Variants in PCDHGA10 observed in about 807,000 individuals in gnomAD.
The protein encoded by PCDHGA10 is protocadherin gamma-A10.
A neutral mutation model predicts 59.5 loss-of-function variants in PCDHGA10; 42 were observed. The ratio of observed to expected loss-of-function variants is 0.71; its 90% CI spans 0.55 to 0.91. The LOEUF (loss-of-function observed/expected upper bound fraction) is 0.91. Ranked by LOEUF, PCDHGA10 falls within the 40% of genes least tolerant of loss-of-function variation. The pLI is 0.00. For missense variants in PCDHGA10, 1,111 were observed against 1,198.2 expected, an observed-to-expected ratio of 0.93 and a Z score of 1.07; for synonymous variants, 511 against 517.2, an observed-to-expected ratio of 0.99 and a Z score of 0.16.
rs577770679 is a variant in PCDHGA10, at chr5:141,458,782, G to A, written c.2437-36025G>A. Reference sequence around the variant, plus strand: ...GGGTCTTGCTGTGTCACACAGGCTGGAGTGCAGTGGTGTGATCTCAGCTCA... The same window carrying A: ...GGGTCTTGCTGTGTCACACAGGCTGAAGTGCAGTGGTGTGATCTCAGCTCA... On this transcript the variant is annotated intron_variant, in intron 1 of 3. Coordinates refer to ENST00000398610, the MANE Select transcript of PCDHGA10 (RefSeq NM_018913.3). 3.3e-5 allele frequency among the ~76,000 whole-genome samples: 5 copies of A among 152,020 alleles called. No homozygotes were observed. In the East Asian group the frequency reaches 9.7e-4, roughly 30 times the overall value.
chr5:141,418,649 G>A (rs760169796), intron 1 of PCDHGA10: 3 of 1,613,926 alleles, frequency 1.9e-6, no homozygotes, highest in Non-Finnish European at 2.5e-6. Flanking sequence ...CATCCTGAGA[G>A]TGAAGGCCAC....
chr5:141,492,224 T>C (rs2099738444), intron 1 of PCDHGA10, among the ~76,000 whole-genome samples: 1 of 152,134 alleles, frequency 6.6e-6, no homozygotes, highest in South Asian at 2.1e-4. Flanking sequence ...CTCATGCGTG[T>C]CCTCCCTGCT....
At position 141,489,083 on chromosome 5, in the gene PCDHGA10, T is replaced by G; in HGVS notation, c.2437-5724T>G. On this transcript the variant is annotated intron_variant, in intron 1 of 3. Coordinates refer to ENST00000398610, the MANE Select transcript of PCDHGA10 (RefSeq NM_018913.3). This position sits in a 1 kb window ranked among gnomAD's most constrained non-coding sequence, Gnocchi z 4.5. ...CCTCCCCCCTGCCCACCCCCGCCACTCGGTGACTAAGAACTGCTGCAAGCA... is the reference window on the plus strand; with the variant it reads ...CCTCCCCCCTGCCCACCCCCGCCACGCGGTGACTAAGAACTGCTGCAAGCA... The G allele has an allele frequency of 1.2e-5, 2 of 172,008 alleles. No individual in the cohort carries two copies. Among genetic ancestry groups the G allele is most frequent in the Non-Finnish European group, 2.1e-5 (2 of 94,012 alleles). The allele number at this position is 172,008 out of a possible 1,614,324, so 10.7% of individuals were successfully genotyped here. A position where few individuals can be genotyped will look rare whatever the true frequency, so the allele number is the denominator to read the frequency against.
chr5:141,466,769 T>C (rs760924688), intron 1 of PCDHGA10, among the ~76,000 whole-genome samples: 1 of 152,198 alleles, frequency 6.6e-6, no homozygotes, highest in African/African-American at 2.4e-5. Flanking sequence ...CAAACTGTTA[T>C]CTTATTCTTC....
At chr5:141,501,127 T>C (rs2099805755) in intron 2 of PCDHGA10, among the ~76,000 whole-genome samples, 5 of 152,024 alleles carry the variant, frequency 3.3e-5, no homozygotes, top group Non-Finnish European at 7.4e-5. Context: ...TCAGCCTCCC[T>C]AAGTGCTGGG....
At chr5:141,433,204 C>A in intron 1 of PCDHGA10, 1 of 1,566,946 alleles carries the variant, frequency 6.4e-7, no homozygotes, top group Non-Finnish European at 8.6e-7. Flanking sequence ...ATCAAATCTT[C>A]TTTCTTTTTT....
At chr5:141,457,929 C>T (rs1207409757) in intron 1 of PCDHGA10, among the ~76,000 whole-genome samples, 2 of 152,194 alleles carry the variant, frequency 1.3e-5, no homozygotes, top group Non-Finnish European at 2.9e-5. Context: ...CCCCAAGGGG[C>T]TTTTATTGGC....
In PCDHGA10 at chr5:141,490,670, C is replaced by A. The variant is rs1003577285; in HGVS notation, c.2437-4137C>A. ...CCGGGCTCCCTTCTTTGCACTGTGG[C>A]TGCCTCAGATCCAGACACTGGGGAT... On this transcript the variant is annotated intron_variant, in intron 1 of 3. Coordinates refer to ENST00000398610, the MANE Select transcript of PCDHGA10 (RefSeq NM_018913.3). This position sits in a 1 kb window ranked among gnomAD's most constrained non-coding sequence, Gnocchi z 5.4. 4 of 1,614,194 alleles carry A rather than the reference C, an allele frequency of 2.5e-6. No homozygotes were observed. The highest frequency in any genetic ancestry group is 3.4e-6 in the Non-Finnish European group (4 of 1,179,986).
At chr5:141,430,140 A>C (rs1295602149) in intron 1 of PCDHGA10, among the ~76,000 whole-genome samples, 1 of 152,202 alleles carries the variant, frequency 6.6e-6, no homozygotes, top group Non-Finnish European at 1.5e-5. Context: ...CCTTCCATTC[A>C]GGATCATTCA....
At chr5:141,458,103 T>TA (rs1401283935) in intron 1 of PCDHGA10, among the ~76,000 whole-genome samples, 2 of 152,212 alleles carry the variant, frequency 1.3e-5, no homozygotes, top group Non-Finnish European at 2.9e-5. Context: ...TACTTACAGA[T>TA]AGTCTCCAAA....
At position 141,477,222 on chromosome 5, in the gene PCDHGA10, C is replaced by T; in HGVS notation, c.2437-17585C>T. Reference sequence around the variant, plus strand: ...GTACCCGAGGATGCCCCTCTGGGGACTGTCATCGCTTTGCTCAGTGTGACT... The same window carrying T: ...GTACCCGAGGATGCCCCTCTGGGGATTGTCATCGCTTTGCTCAGTGTGACT... On this transcript the variant is annotated intron_variant, in intron 1 of 3. Transcript: ENST00000398610. This position sits in a 1 kb window ranked among gnomAD's most constrained non-coding sequence, Gnocchi z 4.9. 2 of 1,614,218 alleles carry T rather than the reference C, an allele frequency of 1.2e-6. No homozygotes were observed. Among genetic ancestry groups the T allele is most frequent in the South Asian group, 1.1e-5 (1 of 91,086 alleles).
At chr5:141,506,240 G>A (rs918820495) in intron 3 of PCDHGA10, among the ~76,000 whole-genome samples, 8 of 152,184 alleles carry the variant, frequency 5.3e-5, no homozygotes, top group Middle Eastern at 3.4e-3. Flanking sequence ...CATGAGGTCA[G>A]GAGTTCGAAA....
In PCDHGA10 at chr5:141,414,945, C is replaced by G; in HGVS notation, c.1770C>G (p.Tyr590Ter). 1.2e-6 allele frequency: 2 copies of G among 1,614,098 alleles called. No individual in the cohort carries two copies. Among genetic ancestry groups the G allele is most frequent in the Non-Finnish European group, 8.5e-7 (1 of 1,180,050 alleles). Residue 590 changes from tyrosine (Y) to a stop codon, truncating the protein, a stop_gained, in exon 1 of 4, where the codon TAC becomes TAG. Coordinates refer to ENST00000398610, the MANE Select transcript of PCDHGA10 (RefSeq NM_018913.3). LOFTEE classifies it high-confidence loss of function. Reference sequence around the variant, plus strand: ...CGCCCCGCTCCGCAGAGCCCGGCTACCTGGTGACCAAGGTGGTGGCGGTGG... The same window carrying G: ...CGCCCCGCTCCGCAGAGCCCGGCTAGCTGGTGACCAAGGTGGTGGCGGTGG... ...ELAPRSAEPG[Y>*]LVTKVVAVDR...
At position 141,412,987 on chromosome 5, in the gene PCDHGA10, A is replaced by G. The variant is rs192699644; in HGVS notation, c.-189A>G. The G allele has an allele frequency of 3.7e-3, 2,104 of 564,638 alleles. 8 individuals carry two copies. Among genetic ancestry groups the G allele is most frequent in the Admixed American group, 0.011 (308 of 27,526 alleles). 35.0% of individuals were successfully genotyped at this position (564,638 alleles called of 1,614,324 possible). ...AGGAGAGAAAACGCAGCCAGAGCTCAATCCGGATTCTCAGGGCTTCAACTA... is the reference window on the plus strand; with the variant it reads ...AGGAGAGAAAACGCAGCCAGAGCTCGATCCGGATTCTCAGGGCTTCAACTA... On this transcript the variant is annotated 5_prime_UTR_variant, in exon 1 of 4. Transcript: ENST00000398610.
intron 1 of PCDHGA10, among the ~76,000 whole-genome samples, chr5:141,469,206 A>T (rs752389937): frequency 6.6e-6 from 1 of 150,920 alleles, no homozygotes; most frequent in African/African-American, 2.4e-5. Flanking sequence ...AGCCTTTTGA[A>T]GTTGAGGCTT....
chr5:141,458,553 T>G (rs987591790), intron 1 of PCDHGA10, among the ~76,000 whole-genome samples: 24 of 146,852 alleles, frequency 1.6e-4, no homozygotes, highest in Non-Finnish European at 2.5e-4. Flanking sequence ...TGTTTGTTTG[T>G]TTTGGTTTTG....
chr5:141,487,818 G>T lies in PCDHGA10; in HGVS notation c.2437-6989G>T, dbSNP rs1009237001. The T allele has an allele frequency of 1.2e-5, 16 of 1,331,602 alleles. No homozygotes were observed. Among genetic ancestry groups the T allele is most frequent in the Non-Finnish European group, 1.4e-5 (14 of 970,528 alleles). The allele number at this position is 1,331,602 out of a possible 1,614,324, so 82.5% of individuals were successfully genotyped here. On this transcript the variant is annotated intron_variant, in intron 1 of 3. Transcript: ENST00000398610. This position sits in a 1 kb window ranked among gnomAD's most constrained non-coding sequence, Gnocchi z 5.0. Reference sequence around the variant, plus strand: ...GAGTTGTCACAGTTTAGCATTGGGGGCGGGTCATGCCTATATCTGAGTAAG... The same window carrying T: ...GAGTTGTCACAGTTTAGCATTGGGGTCGGGTCATGCCTATATCTGAGTAAG...
Position 141,509,375 on chromosome 5 carries a change from T to C in PCDHGA10, c.2585-1572T>C, listed in dbSNP as rs1450730489. Among the ~76,000 whole-genome samples, 6 of 152,168 alleles carry C rather than the reference T, an allele frequency of 3.9e-5. No homozygotes were observed. In the East Asian group the frequency reaches 1.2e-3, roughly 29 times the overall value. On this transcript the variant is annotated intron_variant, in intron 3 of 3. Coordinates refer to ENST00000398610, the MANE Select transcript of PCDHGA10 (RefSeq NM_018913.3). ...GGGCATCCCTGAGGTTTTAACTGTC[T>C]CCTAACCACAGAGGATCTCAGGGCC...
chr5:141,440,883 T>C (rs1435173649), intron 1 of PCDHGA10: 4 of 152,178 alleles, frequency 2.6e-5, no homozygotes, highest in Non-Finnish European at 5.9e-5. Flanking sequence ...AGCGTCGGCC[T>C]TCAGGAAGAT....
Sources: allele counts gnomAD v4.1 joint callset (sites outside exome capture counted in the v4.1 genomes callset), GRCh38; gene constraint gnomAD v4.1.1; non-coding constraint Gnocchi (gnomAD v3.1); transcripts MANE v1.5; gene names NCBI Gene and HGNC (gene_info 2026-07-23, HGNC 2026-07-21).